The following HIF1A variants were observed in gnomAD, a reference collection of about 807,000 sequenced individuals.
HIF1A encodes the protein hypoxia inducible factor 1 subunit alpha, also known as hypoxia-inducible factor 1-alpha.
Under a neutral mutation model 92.7 loss-of-function variants are expected in HIF1A, and 24 were observed. The ratio of observed to expected loss-of-function variants is 0.26; its 90% CI spans 0.19 to 0.36. The LOEUF (loss-of-function observed/expected upper bound fraction) is 0.36. HIF1A is among the 10% of genes least tolerant of loss of function. HIF1A has a pLI of 1.00. For synonymous variants in HIF1A, 319 were observed against 338.7 expected (o/e 0.94, Z 0.64); for missense variants, 799 against 998.5 (o/e 0.80, Z 2.69).
chr14:61,728,425 T>C (rs1197057443), intron 6 of HIF1A, among the ~76,000 whole-genome samples: 1 of 152,248 alleles, frequency 6.6e-6, no homozygotes, highest in Non-Finnish European at 1.5e-5. Context: ...CAACTTAATA[T>C]TTCTATCTGG....
At chr14:61,726,459 A>G (rs554141001) in intron 4 of HIF1A, 12 of 277,150 alleles carry the variant, frequency 4.3e-5, no homozygotes, top group South Asian at 1.7e-4. Context: ...ACTGGCTTCA[A>G]TGATTAACTG....
At chr14:61,728,409 A>C (rs1297530031) in intron 6 of HIF1A, among the ~76,000 whole-genome samples, 5 of 152,196 alleles carry the variant, frequency 3.3e-5, no homozygotes, top group African/African-American at 1.2e-4. Flanking sequence ...AATTCTATTT[A>C]ATTGCCAACT....
chr14:61,737,582 T>A (rs1056757240), intron 9 of HIF1A, among the ~76,000 whole-genome samples: 2 of 152,264 alleles, frequency 1.3e-5, no homozygotes, highest in African/African-American at 2.4e-5. Flanking sequence ...TAAGACGCGG[T>A]ATCAATAGTG....
rs571064312 is a variant in HIF1A at position 61,738,249 on chromosome 14, A to G, written c.1412A>G (p.Asn471Ser). ...PLRSSADPAL[N>S]QEVALKLEPN... ...CGAAGTAGTGCTGACCCTGCACTCA[A>G]TCAAGAAGTTGCATTAAAATTAGAA... The change falls in exon 10 of 15, where the codon AAT (asparagine) becomes AGT (serine). Residue 471 changes from asparagine to serine, a missense_variant. Physicochemically the swap from Asn to Ser is conservative, Grantham distance 46 (BLOSUM62 1). Coordinates refer to ENST00000337138, the MANE Select transcript of HIF1A (RefSeq NM_001530.4). 6.2e-6 allele frequency: 10 copies of G among 1,614,144 alleles called. No individual in the cohort carries two copies. The highest frequency in any genetic ancestry group is 2.2e-5 in the East Asian group (1 of 44,880).
In HIF1A at chr14:61,741,036, A is replaced by C; in HGVS notation, c.1941A>C (p.Ile647=). ...ILIASPSPTH[I]HKETTSATSS... ...TTGCATCTCCATCTCCTACCCACAT[A>C]CATAAAGAAACTACTAGTGCCACAT... Residue 647 remains isoleucine, a synonymous_variant, in exon 12 of 15, where the codon ATA becomes ATC. Coordinates refer to ENST00000337138, the MANE Select transcript of HIF1A (RefSeq NM_001530.4). The C allele has an allele frequency of 1.2e-6, 2 of 1,614,156 alleles. No homozygotes were observed. Among genetic ancestry groups the C allele is most frequent in the Non-Finnish European group, 1.7e-6 (2 of 1,179,978 alleles).
rs1308063073 is a variant in HIF1A at position 61,748,044 on chromosome 14, C to T, written c.*959C>T. On this transcript the variant is annotated 3_prime_UTR_variant, in exon 15 of 15. Coordinates refer to ENST00000337138, the MANE Select transcript of HIF1A (RefSeq NM_001530.4). ...TCAAAATACAATGTTTGATTTTATG[C>T]ACTTTGTCGCTATTAACATCCTTTT... The T allele has an allele frequency of 1.3e-5, 2 of 152,304 alleles. No homozygotes were observed. Among genetic ancestry groups the T allele is most frequent in the Non-Finnish European group, 2.9e-5 (2 of 67,890 alleles). 9.4% of individuals were successfully genotyped at this position (152,304 alleles called of 1,614,324 possible).
At chr14:61,715,625 A>G (rs1369217550) in intron 1 of HIF1A, 1 of 152,196 alleles carries the variant, frequency 6.6e-6, no homozygotes, top group Non-Finnish European at 1.5e-5. Context: ...TGATAATAAT[A>G]AAGATTAAAT....
At chr14:61,732,960 T>C (rs1224086349) in intron 7 of HIF1A, among the ~76,000 whole-genome samples, 1 of 152,240 alleles carries the variant, frequency 6.6e-6, no homozygotes, top group Admixed American at 6.5e-5. Flanking sequence ...TTTATATTTA[T>C]GGGTTCATGA....
At chr14:61,697,049 A>G (rs2044125579) in intron 1 of HIF1A, among the ~76,000 whole-genome samples, 1 of 152,198 alleles carries the variant, frequency 6.6e-6, no homozygotes, top group South Asian at 2.1e-4. Context: ...ATTTAGAGTA[A>G]GAGTTTTGGT....
chr14:61,736,776 G>A lies in HIF1A; in HGVS notation c.1029-113G>A, dbSNP rs2140152357. On this transcript the variant is annotated intron_variant, in intron 8 of 14. Transcript: ENST00000337138. ...GTGATCATGCATCTCAAGAAATCTT[G>A]AAATGTTCCTGTCCATAAAGCAGAA... 7 of 678,702 alleles carry A rather than the reference G, an allele frequency of 1.0e-5. No individual in the cohort carries two copies. In the South Asian group the frequency reaches 1.3e-4, roughly 13 times the overall value. 42.0% of individuals were successfully genotyped at this position (678,702 alleles called of 1,614,324 possible).
intron 1 of HIF1A, among the ~76,000 whole-genome samples, chr14:61,720,022 G>A (rs1008995231): frequency 6.6e-6 from 1 of 152,148 alleles, no homozygotes; most frequent in Admixed American, 6.5e-5. Context: ...TCTGTATTGA[G>A]ACTACTTTTG....
At chr14:61,743,486 T>A (rs2044739261) in intron 12 of HIF1A, among the ~76,000 whole-genome samples, 1 of 152,254 alleles carries the variant, frequency 6.6e-6, no homozygotes, top group Admixed American at 6.5e-5. Flanking sequence ...CTACTACTAC[T>A]ACAATGATAT....
At chr14:61,721,432 G>T in intron 2 of HIF1A, 77 bp from the exon 3 acceptor site, 1 of 1,289,708 alleles carries the variant, frequency 7.8e-7, no homozygotes, top group South Asian at 1.3e-5. Context: ...AGAAAACTTT[G>T]TAAAAACATC....
chr14:61,737,272 C>T (rs560442630), intron 9 of HIF1A, among the ~76,000 whole-genome samples, 163 bp downstream of exon 9: 4 of 152,270 alleles, frequency 2.6e-5, no homozygotes, highest in African/African-American at 7.2e-5. Flanking sequence ...TTTTTGCCCC[C>T]GTAATTTCTT....
chr14:61,713,217 A>G (rs2044326993), intron 1 of HIF1A, among the ~76,000 whole-genome samples: 1 of 152,170 alleles, frequency 6.6e-6, no homozygotes, highest in South Asian at 2.1e-4. Context: ...TGTCCTGTGT[A>G]CATTTAATGG....
intron 4 of HIF1A, among the ~76,000 whole-genome samples, chr14:61,722,438 T>G (rs2044445076): frequency 6.6e-6 from 1 of 152,070 alleles, no homozygotes; most frequent in Non-Finnish European, 1.5e-5. Context: ...TCTTGCTGTA[T>G]TGCCCAGGCT....
chr14:61,698,091 T>C, intron 1 of HIF1A: 1 of 455,432 alleles, frequency 2.2e-6, no homozygotes, highest in Non-Finnish European at 3.7e-6. Flanking sequence ...TGATTCTGTT[T>C]CAGGCTTCAG....
intron 6 of HIF1A, among the ~76,000 whole-genome samples, chr14:61,731,122 C>T (rs1003850417): frequency 1.3e-5 from 2 of 151,414 alleles, no homozygotes; most frequent in Admixed American, 6.6e-5. Context: ...TACTTTTATA[C>T]CTTTATAGAA....
At chr14:61,707,625 A>T (rs1463194183) in intron 1 of HIF1A, among the ~76,000 whole-genome samples, 1 of 151,844 alleles carries the variant, frequency 6.6e-6, no homozygotes, top group African/African-American at 2.4e-5. Flanking sequence ...GTCCCTACAA[A>T]GGACATGAAC....
Sources: allele counts gnomAD v4.1 joint callset (sites outside exome capture counted in the v4.1 genomes callset), GRCh38; gene constraint gnomAD v4.1.1; transcripts MANE v1.5; gene names NCBI Gene and HGNC (gene_info 2026-07-23, HGNC 2026-07-21).